The following GRM7 variants were observed in gnomAD, a reference collection of about 807,000 sequenced individuals.
The protein encoded by GRM7 is glutamate metabotropic receptor 7.
GRM7 carries 35 observed loss-of-function variants against 84.5 expected under a neutral mutation model. The observed-to-expected ratio is 0.41, with a 90% CI of 0.32 to 0.55. The LOEUF is 0.55. Among genes scored for constraint, GRM7 ranks in the 20% least tolerant of loss-of-function variants. The probability of loss-of-function intolerance (pLI) is 0.19; values close to 1 mark genes in which losing one functional copy is unlikely to be tolerated. For missense variants in GRM7, 1,003 were observed against 1,194.6 expected (o/e 0.84, Z 2.36); for synonymous variants, 487 against 455.1 (o/e 1.07, Z -0.89).
intron 8 of GRM7, among the ~76,000 whole-genome samples, chr3:7,652,576 T>G (rs73121878): frequency 0.017 from 2,561 of 152,296 alleles, 33 homozygotes; most frequent in Middle Eastern, 0.037. Context: ...ACAAGGCTGT[T>G]GTTAGCCATC....
chr3:6,902,319 T>C (rs891672530), intron 1 of GRM7, among the ~76,000 whole-genome samples: 23 of 152,164 alleles, frequency 1.5e-4, no homozygotes, highest in Non-Finnish European at 2.2e-4. Flanking sequence ...AGCTGGAAGA[T>C]TGTGTATGAA....
At chr3:7,369,465 G>A (rs903908453) in intron 4 of GRM7, among the ~76,000 whole-genome samples, 1 of 150,766 alleles carries the variant, frequency 6.6e-6, no homozygotes, top group Non-Finnish European at 1.5e-5. Context: ...ATGTTCCTTT[G>A]GCTATAACTT....
intron 1 of GRM7, among the ~76,000 whole-genome samples, chr3:6,878,046 CATTT>C (rs1364788606): frequency 6.6e-6 from 1 of 151,808 alleles, no homozygotes; most frequent in Non-Finnish European, 1.5e-5. Flanking sequence ...AAATTCCATT[CATTT>C]AAGACCAATA....
chr3:7,559,477 G>A (rs929188622), intron 7 of GRM7: 2 of 151,998 alleles, frequency 1.3e-5, no homozygotes, highest in Admixed American at 1.3e-4. Flanking sequence ...ACATAGGAAG[G>A]TTGGAAACAT....
chr3:7,103,841 C>T (rs28750221), intron 1 of GRM7, among the ~76,000 whole-genome samples: 144 of 69,476 alleles, frequency 2.1e-3, no homozygotes, highest in African/African-American at 0.01. Context: ...TCTCTCTCTC[C>T]CTCTCTCTCT....
At chr3:7,620,550 CT>C (rs1195312004) in intron 8 of GRM7, among the ~76,000 whole-genome samples, 1 of 152,120 alleles carries the variant, frequency 6.6e-6, no homozygotes. Context: ...TTGAAGCAGT[CT>C]TAATTTATAG....
chr3:7,415,312 T>C (rs1696116445), intron 5 of GRM7, 149 bp downstream of exon 5: 1 of 664,706 alleles, frequency 1.5e-6, no homozygotes, highest in African/African-American at 1.8e-5. Flanking sequence ...AACAGGAGCA[T>C]ACGTCTTGCA....
At chr3:6,976,019 A>G (rs955968707) in intron 1 of GRM7, among the ~76,000 whole-genome samples, 6 of 152,144 alleles carry the variant, frequency 3.9e-5, no homozygotes, top group African/African-American at 1.4e-4. Flanking sequence ...TGATTCTACA[A>G]TTTGGATTTC....
intron 1 of GRM7, among the ~76,000 whole-genome samples, chr3:6,962,659 G>T (rs548016349): frequency 6.6e-6 from 1 of 152,284 alleles, no homozygotes; most frequent in African/African-American, 2.4e-5. Context: ...GTTAGTGTAA[G>T]TAGTTTGTTA....
Position 7,680,308 on chromosome 3 carries a change from C to G in GRM7, c.2698+13C>G. The G allele has an allele frequency of 6.2e-7, 1 of 1,613,028 alleles. No homozygotes were observed. Among genetic ancestry groups the G allele is most frequent in the Non-Finnish European group, 8.5e-7 (1 of 1,179,112 alleles). On this transcript the variant is annotated intron_variant, in intron 9 of 9. Transcript: ENST00000357716. Reference sequence around the variant, plus strand: ...GTAGACCCAAACAGTAAGTAACTCTCCGTTTCTTTCATCTTCCCACCCTGC... The same window carrying G: ...GTAGACCCAAACAGTAAGTAACTCTGCGTTTCTTTCATCTTCCCACCCTGC...
chr3:7,349,716 A>G (rs1442135280), intron 4 of GRM7, among the ~76,000 whole-genome samples: 1 of 152,170 alleles, frequency 6.6e-6, no homozygotes, highest in African/African-American at 2.4e-5. Flanking sequence ...CCCTTTTACC[A>G]ATAACAAGAT....
chr3:6,861,521 A>C lies in GRM7; in HGVS notation c.133A>C (p.Ile45Leu). The change falls in exon 1 of 10, where the codon ATC becomes CTC. Residue 45 changes from isoleucine to leucine, a missense_variant. Ile to Leu is a conservative substitution (Grantham distance 5). This residue lies in a region of GRM7 where 93 missense variants were observed against 68.6 expected (regional missense o/e 1.36). Transcript: ENST00000357716. The surrounding 1 kb of genome is among the most constrained non-coding windows in gnomAD (Gnocchi z 6.4). Reference sequence around the variant, plus strand: ...GATGTACGCCCCGCACTCAATCCGGATCGAGGGGGACGTCACCCTCGGGGG... The same window carrying C: ...GATGTACGCCCCGCACTCAATCCGGCTCGAGGGGGACGTCACCCTCGGGGG... ...QEMYAPHSIR[I>L]EGDVTLGGLF... 6.3e-7 allele frequency: 1 copy of C among 1,578,234 alleles called. No homozygotes were observed. The highest frequency in any genetic ancestry group is 8.6e-7 in the Non-Finnish European group (1 of 1,163,278).
chr3:7,313,400 T>A (rs1559227923), intron 4 of GRM7, among the ~76,000 whole-genome samples: 1 of 152,238 alleles, frequency 6.6e-6, no homozygotes. Context: ...AGTCCTGGAA[T>A]TATCTACATT....
At chr3:7,032,076 A>G (rs959373865) in intron 1 of GRM7, among the ~76,000 whole-genome samples, 2 of 152,296 alleles carry the variant, frequency 1.3e-5, no homozygotes. Context: ...AATATCCTAA[A>G]ACACGTCAAA....
At chr3:7,293,373 C>G (rs1443522634) in intron 2 of GRM7, among the ~76,000 whole-genome samples, 2 of 152,144 alleles carry the variant, frequency 1.3e-5, no homozygotes, top group East Asian at 3.9e-4. Context: ...ATTTCTGGGA[C>G]TCTGAAATTC....
At chr3:7,094,287 G>T (rs1022128308) in intron 1 of GRM7, among the ~76,000 whole-genome samples, 1 of 152,084 alleles carries the variant, frequency 6.6e-6, no homozygotes, top group African/African-American at 2.4e-5. Context: ...GTTTAATTTT[G>T]TACATCCAAC....
At chr3:7,054,548 G>T (rs1306008394) in intron 1 of GRM7, among the ~76,000 whole-genome samples, 1 of 151,696 alleles carries the variant, frequency 6.6e-6, no homozygotes, top group East Asian at 1.9e-4. Context: ...AAGTGGGAGA[G>T]ATTTCTGTCT....
intron 8 of GRM7, among the ~76,000 whole-genome samples, chr3:7,602,382 C>A (rs1002291619): frequency 6.6e-6 from 1 of 152,116 alleles, no homozygotes; most frequent in African/African-American, 2.4e-5. Flanking sequence ...TCTGTTTTCT[C>A]ATGTTTTGTT....
At chr3:7,094,881 A>T (rs565605137) in intron 1 of GRM7, among the ~76,000 whole-genome samples, 6 of 152,296 alleles carry the variant, frequency 3.9e-5, no homozygotes, top group African/African-American at 1.4e-4. Context: ...TTAATCAAGG[A>T]CACTTCACTA....
Sources: allele counts gnomAD v4.1 joint callset (sites outside exome capture counted in the v4.1 genomes callset), GRCh38; gene constraint gnomAD v4.1.1; regional missense constraint gnomAD v4.1.1; non-coding constraint Gnocchi (gnomAD v3.1); transcripts MANE v1.5; gene names NCBI Gene and HGNC (gene_info 2026-07-23, HGNC 2026-07-21).